Variants in FGGY observed in about 807,000 individuals in gnomAD.
FGGY encodes FGGY carbohydrate kinase domain containing.
Under a neutral mutation model 71.3 loss-of-function variants are expected in FGGY, and 72 were observed. The ratio of observed to expected loss-of-function variants is 1.01; its 90% CI spans 0.84 to 1.23. The LOEUF is 1.23. Among genes scored for constraint, FGGY ranks in the 50% most tolerant of loss-of-function variants. The pLI is 0.00. For synonymous variants in FGGY, 251 were observed against 250.3 expected (o/e 1.00, Z -0.02); for missense variants, 668 against 682.3 (o/e 0.98, Z 0.23).
chr1:59,601,914 G>A (rs995846661), intron 8 of FGGY, among the ~76,000 whole-genome samples: 1 of 152,166 alleles, frequency 6.6e-6, no homozygotes, highest in Non-Finnish European at 1.5e-5. Flanking sequence ...ACAGGTTATG[G>A]AGCAAAGCAA....
At chr1:59,422,620 A>C (rs2065646006) in intron 5 of FGGY, among the ~76,000 whole-genome samples, 1 of 151,746 alleles carries the variant, frequency 6.6e-6, no homozygotes, top group Non-Finnish European at 1.5e-5. Flanking sequence ...GCTTGAGCCC[A>C]GGAGGTTGAG....
At chr1:59,398,969 A>T (rs1426453898) in intron 5 of FGGY, among the ~76,000 whole-genome samples, 3 of 152,176 alleles carry the variant, frequency 2.0e-5, no homozygotes, top group African/African-American at 7.2e-5. Context: ...ATGAAATATA[A>T]ATGCATGTGG....
At chr1:59,723,341 A>G (rs912575457) in intron 14 of FGGY, among the ~76,000 whole-genome samples, 1 of 152,194 alleles carries the variant, frequency 6.6e-6, no homozygotes, top group African/African-American at 2.4e-5. Context: ...CTATTGCCAC[A>G]TGGATCATTC....
At chr1:59,644,251 T>C (rs1339330915) in intron 11 of FGGY, among the ~76,000 whole-genome samples, 2 of 152,194 alleles carry the variant, frequency 1.3e-5, no homozygotes, top group Non-Finnish European at 2.9e-5. Context: ...CCTTGGTAAG[T>C]AGGAACAGGA....
At chr1:59,610,854 C>A (rs1001464488) in intron 9 of FGGY, among the ~76,000 whole-genome samples, 1 of 152,238 alleles carries the variant, frequency 6.6e-6, no homozygotes, top group African/African-American at 2.4e-5. Context: ...AACGGCACAC[C>A]AGGAGATTAT....
chr1:59,461,802 A>G (rs60899584), intron 6 of FGGY, among the ~76,000 whole-genome samples: 1 of 143,602 alleles, frequency 7.0e-6, no homozygotes, highest in African/African-American at 3.0e-5. Flanking sequence ...TTTGTTTTTT[A>G]TTTTATTGTA....
intron 14 of FGGY, among the ~76,000 whole-genome samples, chr1:59,712,425 C>T (rs989464607): frequency 6.6e-6 from 1 of 152,194 alleles, no homozygotes; most frequent in African/African-American, 2.4e-5. Flanking sequence ...CTTCTCTCAG[C>T]TCCACTAGGC....
intron 7 of FGGY, among the ~76,000 whole-genome samples, chr1:59,535,058 C>A (rs921367509): frequency 3.3e-5 from 5 of 152,082 alleles, no homozygotes; most frequent in Admixed American, 2.0e-4. Context: ...AGAGTCAAGA[C>A]CCATCAGTGT....
intron 8 of FGGY, among the ~76,000 whole-genome samples, chr1:59,603,665 T>A (rs1028010748): frequency 8.5e-5 from 13 of 152,236 alleles, no homozygotes; most frequent in African/African-American, 2.7e-4. Context: ...AGAATCACGA[T>A]GGGCCTTTGT....
intron 5 of FGGY, among the ~76,000 whole-genome samples, chr1:59,404,907 G>A (rs1332971284): frequency 2.0e-5 from 3 of 152,168 alleles, no homozygotes; most frequent in Admixed American, 6.5e-5. Context: ...TCACATCCAC[G>A]CTGTGCATGC....
chr1:59,457,412 C>A (rs2091817051), intron 6 of FGGY, among the ~76,000 whole-genome samples: 1 of 152,142 alleles, frequency 6.6e-6, no homozygotes, highest in Non-Finnish European at 1.5e-5. Context: ...GAGTTCGGGA[C>A]CAGTCTGGGC....
At chr1:59,311,727 G>A (rs544212409) in intron 1 of FGGY, among the ~76,000 whole-genome samples, 1 of 152,318 alleles carries the variant, frequency 6.6e-6, no homozygotes, top group South Asian at 2.1e-4. Flanking sequence ...CTTTACAGTA[G>A]AGTGATTTAT....
chr1:59,695,846 CAT>C (rs968714534), intron 14 of FGGY, among the ~76,000 whole-genome samples: 2 of 151,912 alleles, frequency 1.3e-5, no homozygotes, highest in African/African-American at 4.8e-5. Flanking sequence ...TCTTAAATGA[CAT>C]ATTATCCTGA....
At chr1:59,671,634 G>A (rs2097378441) in intron 13 of FGGY, among the ~76,000 whole-genome samples, 1 of 152,170 alleles carries the variant, frequency 6.6e-6, no homozygotes, top group Non-Finnish European at 1.5e-5. Flanking sequence ...TCAGAAGTAA[G>A]GTAAACTTTA....
At chr1:59,426,286 A>G (rs2066352706) in intron 5 of FGGY, among the ~76,000 whole-genome samples, 1 of 152,216 alleles carries the variant, frequency 6.6e-6, no homozygotes, top group Admixed American at 6.5e-5. Flanking sequence ...TTTCCCCAGC[A>G]GAAATGGATT....
intron 8 of FGGY, among the ~76,000 whole-genome samples, chr1:59,559,192 T>C (rs2095744834): frequency 1.3e-5 from 2 of 152,210 alleles, no homozygotes; most frequent in African/African-American, 4.8e-5. Flanking sequence ...GCATAAGAAA[T>C]TATTAAAGTA....
intron 14 of FGGY, among the ~76,000 whole-genome samples, chr1:59,723,772 T>C (rs1480168562): frequency 2.0e-5 from 3 of 152,258 alleles, no homozygotes; most frequent in Non-Finnish European, 4.4e-5. Flanking sequence ...CATTAAGGTT[T>C]ACTTTTTGTA....
At chr1:59,547,679 C>G (rs1211242616) in intron 7 of FGGY, among the ~76,000 whole-genome samples, 3 of 152,180 alleles carry the variant, frequency 2.0e-5, no homozygotes, top group Non-Finnish European at 2.9e-5. Flanking sequence ...AATCAAGGAT[C>G]TTAGAACCTT....
chr1:59,665,630 T>C (rs945303385), intron 12 of FGGY, among the ~76,000 whole-genome samples: 4 of 150,738 alleles, frequency 2.7e-5, no homozygotes, highest in Middle Eastern at 3.2e-3. Context: ...CCAACCCCCC[T>C]AAGACGTGAG....
Sources: gnomAD v4.1 joint callset for allele counts (sites outside exome capture counted in the v4.1 genomes callset) on GRCh38, gnomAD v4.1.1 for gene constraint, MANE v1.5 for transcripts, NCBI Gene and HGNC (gene_info 2026-07-23, HGNC 2026-07-21) for gene names.